Variants in GFOD1 observed in about 807,000 individuals in gnomAD.
The protein encoded by GFOD1 is Gfo/Idh/MocA-like oxidoreductase domain containing 1.
A neutral mutation model predicts 25.4 loss-of-function variants in GFOD1; 9 were observed. The ratio of observed to expected loss-of-function variants is 0.35; its 90% CI spans 0.21 to 0.62. The LOEUF (loss-of-function observed/expected upper bound fraction) is 0.62. Among genes scored for constraint, GFOD1 ranks in the 20% least tolerant of loss-of-function variants. The pLI, the probability that GFOD1 is intolerant of heterozygous loss-of-function variation, is 0.72. For missense variants in GFOD1, 403 were observed against 556.9 expected (o/e 0.72, Z 2.78); for synonymous variants, 253 against 245.6 (o/e 1.03, Z -0.28).
chr6:13,466,500 T>C (rs1038005029), intron 1 of GFOD1, among the ~76,000 whole-genome samples: 1 of 152,018 alleles, frequency 6.6e-6, no homozygotes, highest in East Asian at 1.9e-4. Context: ...GGCACCCACA[T>C]AAAAAGTGGC....
intron 1 of GFOD1, among the ~76,000 whole-genome samples, chr6:13,455,595 C>T (rs112853431): frequency 6.6e-6 from 1 of 152,194 alleles, no homozygotes; most frequent in Non-Finnish European, 1.5e-5. Context: ...CCACCAGACG[C>T]CCTGCTACTG....
At chr6:13,378,505 T>C (rs775573733) in intron 1 of GFOD1, among the ~76,000 whole-genome samples, 46 of 152,322 alleles carry the variant, frequency 3.0e-4, no homozygotes, top group Middle Eastern at 3.4e-3. Flanking sequence ...GAATAGCTGG[T>C]TGCTCCATAT....
chr6:13,382,205 C>A (rs1235271058), intron 1 of GFOD1, among the ~76,000 whole-genome samples: 1 of 152,120 alleles, frequency 6.6e-6, no homozygotes, highest in African/African-American at 2.4e-5. Context: ...TGAATGCAAT[C>A]TGGCAGCCAG....
intron 1 of GFOD1, among the ~76,000 whole-genome samples, chr6:13,461,140 T>A (rs550552609): frequency 6.6e-6 from 1 of 152,372 alleles, no homozygotes; most frequent in African/African-American, 2.4e-5. Flanking sequence ...GTGTGTACTG[T>A]CTACTTTTAA....
At chr6:13,486,017 C>A in intron 1 of GFOD1, 1 of 985,918 alleles carries the variant, frequency 1.0e-6, no homozygotes, top group Non-Finnish European at 1.2e-6. Context: ...TTGCCTCCAG[C>A]GCAGACGAAA....
chr6:13,427,202 C>G (rs1757655259), intron 1 of GFOD1, among the ~76,000 whole-genome samples: 1 of 152,158 alleles, frequency 6.6e-6, no homozygotes, highest in South Asian at 2.1e-4. Context: ...AAACTGAAGG[C>G]CATGCATAAC....
intron 1 of GFOD1, among the ~76,000 whole-genome samples, chr6:13,485,082 T>C (rs1322653317): frequency 1.3e-5 from 2 of 152,242 alleles, no homozygotes; most frequent in African/African-American, 4.8e-5. Context: ...TTCAGTTCAA[T>C]GGCATTCAGT....
At chr6:13,378,326 T>C (rs78701870) in intron 1 of GFOD1, among the ~76,000 whole-genome samples, 1,819 of 152,214 alleles carry the variant, frequency 0.012, 23 homozygotes, top group East Asian at 0.042. Flanking sequence ...ATAAAGGAAG[T>C]GCCAACCCCT....
At chr6:13,377,098 A>T (rs1365427192) in intron 1 of GFOD1, among the ~76,000 whole-genome samples, 1 of 151,800 alleles carries the variant, frequency 6.6e-6, no homozygotes, top group Non-Finnish European at 1.5e-5. Context: ...ATCCAGAAAC[A>T]TTGGGTTTCT....
chr6:13,376,303 C>T (rs1161051811), intron 1 of GFOD1, among the ~76,000 whole-genome samples: 1 of 152,058 alleles, frequency 6.6e-6, no homozygotes, highest in Non-Finnish European at 1.5e-5. Flanking sequence ...ATGGCCAGGA[C>T]TGTGAACTCC....
chr6:13,460,939 G>T (rs1758280383), intron 1 of GFOD1, among the ~76,000 whole-genome samples: 1 of 152,156 alleles, frequency 6.6e-6, no homozygotes, highest in Admixed American at 6.5e-5. Context: ...GCCCTATTCT[G>T]CCAGGTGAGG....
chr6:13,359,656 A>G lies in GFOD1; in HGVS notation c.*5087T>C, dbSNP rs1353643580. 6.6e-6 allele frequency: 1 copy of G among 152,248 alleles called. No individual in the cohort carries two copies. Among genetic ancestry groups the G allele is most frequent in the Non-Finnish European group, 1.5e-5 (1 of 68,054 alleles). 9.4% of individuals were successfully genotyped at this position (152,248 alleles called of 1,614,324 possible). The stretch of plus-strand genomic sequence containing the variant: ...GACATAATTGAATTTATTTTAAAAA[A>G]TGGATTTCCCGGCTGGGCACGGTGG... On this transcript the variant is annotated 3_prime_UTR_variant, in exon 2 of 2. Coordinates refer to ENST00000379287, the MANE Select transcript of GFOD1 (RefSeq NM_018988.4).
intron 1 of GFOD1, among the ~76,000 whole-genome samples, chr6:13,452,206 T>C (rs929530967): frequency 6.6e-6 from 1 of 152,074 alleles, no homozygotes; most frequent in Non-Finnish European, 1.5e-5. Flanking sequence ...CTGGATCATA[T>C]TGAGAGGGGG....
intron 1 of GFOD1, chr6:13,470,574 T>C: frequency 1.3e-6 from 2 of 1,489,728 alleles, no homozygotes; most frequent in Non-Finnish European, 1.8e-6. Flanking sequence ...CCACGTGGCA[T>C]TTTTTTTTCC....
At chr6:13,419,675 C>G (rs1786220965) in intron 1 of GFOD1, among the ~76,000 whole-genome samples, 1 of 152,196 alleles carries the variant, frequency 6.6e-6, no homozygotes, top group Admixed American at 6.5e-5. Context: ...CGTGCCGCCG[C>G]TCCTCTGACT....
chr6:13,413,071 A>G (rs1228902197), intron 1 of GFOD1, among the ~76,000 whole-genome samples: 1 of 152,348 alleles, frequency 6.6e-6, no homozygotes, highest in Non-Finnish European at 1.5e-5. Context: ...TGGCTCTGCC[A>G]CTGAGTCAGC....
At chr6:13,440,282 A>G (rs6905940) in intron 1 of GFOD1, among the ~76,000 whole-genome samples, 145,061 of 152,150 alleles carry the variant, frequency 0.95, 69,546 homozygotes, top group Middle Eastern at 1. Flanking sequence ...CTCTGCCGCC[A>G]GGTTCAAGCA....
intron 1 of GFOD1, among the ~76,000 whole-genome samples, chr6:13,479,830 C>A (rs528204099): frequency 6.6e-6 from 1 of 152,340 alleles, no homozygotes; most frequent in East Asian, 1.9e-4. Flanking sequence ...GACCAAAAAT[C>A]ATTTCACTCA....
At chr6:13,462,580 C>T (rs995666972) in intron 1 of GFOD1, among the ~76,000 whole-genome samples, 3 of 152,208 alleles carry the variant, frequency 2.0e-5, no homozygotes, top group Admixed American at 2.0e-4. Flanking sequence ...CCCACCTCCT[C>T]TGTCAAGGTT....
Sources: gnomAD v4.1 joint callset for allele counts (sites outside exome capture counted in the v4.1 genomes callset) on GRCh38, gnomAD v4.1.1 for gene constraint, MANE v1.5 for transcripts, NCBI Gene and HGNC (gene_info 2026-07-23, HGNC 2026-07-21) for gene names.